Variants in PNPLA6 observed in about 807,000 individuals in gnomAD.
The protein encoded by PNPLA6 is patatin-like phospholipase domain-containing protein 6.
In PNPLA6, 105 loss-of-function variants were observed where a neutral mutation model predicts 153.7. The ratio of observed to expected loss-of-function variants is 0.68; its 90% CI spans 0.58 to 0.80. The LOEUF (loss-of-function observed/expected upper bound fraction) is 0.80, where lower values mean the gene tolerates loss of function less well. Among genes scored for constraint, PNPLA6 ranks in the 30% least tolerant of loss-of-function variants. The probability of loss-of-function intolerance (pLI) is 0.00; values close to 1 mark genes in which losing one functional copy is unlikely to be tolerated. For synonymous variants in PNPLA6, 825 were observed against 822.2 expected, an observed-to-expected ratio of 1.00 and a Z score of -0.06; for missense variants, 1,423 against 1,919.3, an observed-to-expected ratio of 0.74 and a Z score of 4.83.
rs201130683 is a variant in PNPLA6, at chr19:7,542,643, C to G, written c.1335C>G (p.Ser445=). The part of the protein sequence containing the change: ...RISVSLQEEA[S]GGSLAAPART... ...CCGTGTCCCTGCAGGAAGAGGCCTCCGGGGGGTCCCTGGCAGCCCCCGCTC... is the reference window on the plus strand; with the variant it reads ...CCGTGTCCCTGCAGGAAGAGGCCTCGGGGGGGTCCCTGGCAGCCCCCGCTC... Residue 445 remains serine, a synonymous_variant, in exon 11 of 32, where the codon TCC becomes TCG. Transcript: ENST00000600737. The G allele has an allele frequency of 8.1e-6, 13 of 1,612,862 alleles. No individual in the cohort carries two copies. Among genetic ancestry groups the G allele is most frequent in the Non-Finnish European group, 1.1e-5 (13 of 1,179,682 alleles).
At chr19:7,552,307 T>C (rs2146094089) in intron 18 of PNPLA6, among the ~76,000 whole-genome samples, 1 of 152,230 alleles carries the variant, frequency 6.6e-6, no homozygotes, top group East Asian at 1.9e-4. Context: ...CCTGCTGAAA[T>C]GAGGGCCTGA....
At chr19:7,547,564 G>T in intron 13 of PNPLA6, among the ~76,000 whole-genome samples, 1 of 152,014 alleles carries the variant, frequency 6.6e-6, no homozygotes, top group Non-Finnish European at 1.5e-5. Context: ...CAACTCCTGG[G>T]CTGAAACTAT....
intron 13 of PNPLA6, among the ~76,000 whole-genome samples, chr19:7,547,374 T>C (rs546531243): frequency 1.3e-5 from 2 of 152,358 alleles, no homozygotes; most frequent in East Asian, 3.9e-4. Context: ...GTGTGAAGTG[T>C]AGTATGTCAT....
chr19:7,543,772 G>C (rs1390653317), intron 13 of PNPLA6, among the ~76,000 whole-genome samples: 1 of 152,014 alleles, frequency 6.6e-6, no homozygotes, highest in Non-Finnish European at 1.5e-5. Context: ...ATAAAGAAGA[G>C]ATGCCTAGTT....
In PNPLA6 at chr19:7,551,075, A is replaced by G; in HGVS notation, c.2152A>G (p.Thr718Ala). Residue 718 changes from threonine to alanine, a missense_variant, in exon 17 of 32, where the codon ACC (threonine) becomes GCC (alanine). Thr to Ala is a moderately conservative substitution (Grantham distance 58, BLOSUM62 0). Coordinates refer to ENST00000600737, the MANE Select transcript of PNPLA6 (RefSeq NM_001166114.2). ...DTELAKLPEG[T>A]LGHIKRRYPQ... is the part of the protein sequence containing the mutation. ...GGAGCTGGCCAAGCTTCCCGAGGGC[A>G]CCTTGGGTCACATCAAACGCCGGTA... 1 of 1,547,976 alleles carries G rather than the reference A, an allele frequency of 6.5e-7. No individual in the cohort carries two copies. The highest frequency in any genetic ancestry group is 8.7e-7 in the Non-Finnish European group (1 of 1,146,248).
chr19:7,540,559 G>A lies in PNPLA6; in HGVS notation c.715-71G>A, dbSNP rs1461122465. ...GATGAGAAGTGTCAGTGATCATTGG[G>A]ATGGATGAGGGGGCGACATGCCAGT... On this transcript the variant is annotated intron_variant, in intron 5 of 31. Transcript: ENST00000600737. The surrounding 1 kb of genome is among the most constrained non-coding windows in gnomAD (Gnocchi z 6.8). 5 of 1,251,486 alleles carry A rather than the reference G, an allele frequency of 4.0e-6. No individual in the cohort carries two copies. The highest frequency in any genetic ancestry group is 5.9e-6 in the Non-Finnish European group (5 of 849,290). 77.5% of individuals were successfully genotyped at this position (1,251,486 alleles called of 1,614,324 possible).
chr19:7,539,689 G>GGAGGTTGCAGTGAGCC (rs1447516524), intron 3 of PNPLA6, among the ~76,000 whole-genome samples: 1 of 151,552 alleles, frequency 6.6e-6, no homozygotes, highest in Non-Finnish European at 1.5e-5. Context: ...CCCTGGAGGT[G>GGAGGTTGCAGTGAGCC]GAGGTTGCAG....
Position 7,554,034 on chromosome 19 carries a change from A to G in PNPLA6, c.2401+19A>G. 1 of 603,576 alleles carries G rather than the reference A, an allele frequency of 1.7e-6. No homozygotes were observed. The highest frequency in any genetic ancestry group is 3.0e-6 in the Non-Finnish European group (1 of 331,350). The allele number at this position is 603,576 out of a possible 1,614,324, so 37.4% of individuals were successfully genotyped here. A position where few individuals can be genotyped will look rare whatever the true frequency, so the allele number is the denominator to read the frequency against. On this transcript the variant is annotated intron_variant, in intron 19 of 31. Transcript: ENST00000600737. ...GCCATCGGTCAGTGGGGTGAGGGTCATGGGTGGGGGCTGGCGGTGGGTGGG... is the reference window on the plus strand; with the variant it reads ...GCCATCGGTCAGTGGGGTGAGGGTCGTGGGTGGGGGCTGGCGGTGGGTGGG...
At chr19:7,548,174 G>A (rs553592185) in intron 13 of PNPLA6, among the ~76,000 whole-genome samples, 1,612 of 151,708 alleles carry the variant, frequency 0.011, 15 homozygotes, top group Non-Finnish European at 0.015. Context: ...GTGAAACCCC[G>A]TCTCTACTAA....
upstream of PNPLA6, chr19:7,535,561 C>A (rs1418357285): frequency 6.2e-7 from 1 of 1,604,580 alleles, no homozygotes; most frequent in Non-Finnish European, 8.5e-7. The surrounding 1 kb of genome is among the most constrained non-coding windows in gnomAD (Gnocchi z 5.0). Context: ...ATGGAGGCTC[C>A]GCTGCAAACT....
At position 7,556,543 on chromosome 19, in the gene PNPLA6, C is replaced by T. The variant is rs375118832; in HGVS notation, c.3184C>T (p.Arg1062Trp). The T allele has an allele frequency of 5.6e-6, 9 of 1,613,040 alleles. No homozygotes were observed. In the Admixed American group the frequency reaches 6.7e-5, roughly 12 times the overall value. ...GTCTGCCTTTAACCGCAGCATCCATCGGGTCTTCCAGGATAAGCAGATTGA... is the reference window on the plus strand; with the variant it reads ...GTCTGCCTTTAACCGCAGCATCCATTGGGTCTTCCAGGATAAGCAGATTGA... ...TGSAFNRSIHRVFQDKQIEDL... is the reference protein window; with the variant it reads ...TGSAFNRSIHWVFQDKQIEDL... The change falls in exon 25 of 32, where the codon CGG (arginine) becomes TGG (tryptophan). Residue 1062 changes from arginine to tryptophan, a missense_variant. Transcript: ENST00000600737.
intron 19 of PNPLA6, 90 bp from the exon 20 acceptor site, chr19:7,554,119 A>G (rs2023767018): frequency 6.4e-7 from 1 of 1,573,520 alleles, no homozygotes; most frequent in Non-Finnish European, 8.7e-7. Context: ...GAACAGGGCC[A>G]CAGGGGCGGG....
chr19:7,553,775 G>A, intron 18 of PNPLA6, 100 bp from the exon 19 acceptor site: 1 of 1,514,472 alleles, frequency 6.6e-7, no homozygotes. Flanking sequence ...ACAGGAGCAA[G>A]AATTTCAGAT....
intron 13 of PNPLA6, among the ~76,000 whole-genome samples, chr19:7,545,194 T>G (rs2023336008): frequency 6.6e-6 from 1 of 152,052 alleles, no homozygotes. Context: ...GCCTGGCTAA[T>G]TTTTGTAGTT....
rs1229234833 is a variant in PNPLA6 at position 7,561,473 on chromosome 19, G to A, written c.4024-15G>A. ...GTCCCGTGCTGGGTGACGTGTGTGT[G>A]ACCTTCCCTCGCAGGAGGAGGAGAA... On this transcript the variant is annotated splice_polypyrimidine_tract_variant and intron_variant, in intron 31 of 31. Coordinates refer to ENST00000600737, the MANE Select transcript of PNPLA6 (RefSeq NM_001166114.2). 1 of 1,599,728 alleles carries A rather than the reference G, an allele frequency of 6.3e-7. No homozygotes were observed. The highest frequency in any genetic ancestry group is 8.5e-7 in the Non-Finnish European group (1 of 1,172,718).
intron 13 of PNPLA6, among the ~76,000 whole-genome samples, chr19:7,546,240 A>G (rs2023381091): frequency 6.6e-6 from 1 of 152,106 alleles, no homozygotes; most frequent in African/African-American, 2.4e-5. Context: ...ATAAAAAAGG[A>G]AGTCAGTGGG....
intron 13 of PNPLA6, among the ~76,000 whole-genome samples, chr19:7,544,038 C>T (rs1247010127): frequency 2.6e-5 from 4 of 151,780 alleles, no homozygotes; most frequent in Admixed American, 6.6e-5. Flanking sequence ...TGGTCTCGAT[C>T]TCCTGACCTC....
At chr19:7,544,120 T>G (rs36016119) in intron 13 of PNPLA6, among the ~76,000 whole-genome samples, 24,283 of 149,526 alleles carry the variant, frequency 0.16, 2,301 homozygotes, top group Middle Eastern at 0.23. Flanking sequence ...GCCTTTTTTT[T>G]TTTGTTTTGA....
intron 3 of PNPLA6, among the ~76,000 whole-genome samples, chr19:7,537,182 G>A (rs1158806619): frequency 1.3e-5 from 2 of 152,098 alleles, no homozygotes; most frequent in Non-Finnish European, 2.9e-5. Flanking sequence ...TTCCATGTAG[G>A]TTATTTCATG....
Sources: gnomAD v4.1 joint callset for allele counts (sites outside exome capture counted in the v4.1 genomes callset) on GRCh38, gnomAD v4.1.1 for gene constraint, Gnocchi (gnomAD v3.1) non-coding constraint, MANE v1.5 for transcripts, NCBI Gene and HGNC (gene_info 2026-07-23, HGNC 2026-07-21) for gene names.